The following DPP10 variants were observed in gnomAD, a reference collection of about 807,000 sequenced individuals.
DPP10 encodes the protein dipeptidyl peptidase like 10.
A neutral mutation model predicts 120.9 loss-of-function variants in DPP10; 33 were observed. That is an observed-to-expected ratio of 0.27 (90% CI 0.21 to 0.37). The LOEUF (loss-of-function observed/expected upper bound fraction) is 0.37. Among genes scored for constraint, DPP10 ranks in the 10% least tolerant of loss-of-function variants. DPP10 has a pLI of 1.00. For missense variants in DPP10, 816 were observed against 942.8 expected (o/e 0.87, Z 1.76); for synonymous variants, 337 against 326.1 (o/e 1.03, Z -0.36).
intron 1 of DPP10, among the ~76,000 whole-genome samples, chr2:115,282,986 A>G (rs1350460057): frequency 6.6e-6 from 1 of 152,024 alleles, no homozygotes; most frequent in Non-Finnish European, 1.5e-5. Flanking sequence ...TTCTATGTAT[A>G]TTTAGAATCT....
At chr2:115,602,579 T>A (rs549568607) in intron 5 of DPP10, among the ~76,000 whole-genome samples, 1 of 152,190 alleles carries the variant, frequency 6.6e-6, no homozygotes, top group Admixed American at 6.5e-5. Context: ...TTCTTCTCTT[T>A]CATGTAAAGT....
At chr2:114,826,679 T>A (rs1240121833) in intron 1 of DPP10, among the ~76,000 whole-genome samples, 2 of 152,050 alleles carry the variant, frequency 1.3e-5, no homozygotes, top group Non-Finnish European at 2.9e-5. Context: ...TACAGGAGCA[T>A]AACCCCATGC....
At chr2:115,476,649 G>T (rs2075103911) in intron 3 of DPP10, among the ~76,000 whole-genome samples, 1 of 152,074 alleles carries the variant, frequency 6.6e-6, no homozygotes, top group African/African-American at 2.4e-5. Context: ...TGAGAAACCT[G>T]CCACCATAAT....
chr2:114,623,696 A>G (rs1694274516), intron 1 of DPP10, among the ~76,000 whole-genome samples: 1 of 152,142 alleles, frequency 6.6e-6, no homozygotes, highest in African/African-American at 2.4e-5. Flanking sequence ...CATTCTCCTA[A>G]GAAAAGTCAA....
chr2:115,150,845 A>G (rs1336815306), intron 1 of DPP10, among the ~76,000 whole-genome samples: 1 of 152,258 alleles, frequency 6.6e-6, no homozygotes, highest in Non-Finnish European at 1.5e-5. Flanking sequence ...TTTCATATAT[A>G]TTAGATATCA....
At chr2:115,183,164 A>G (rs2054193842) in intron 1 of DPP10, among the ~76,000 whole-genome samples, 2 of 152,360 alleles carry the variant, frequency 1.3e-5, no homozygotes, top group South Asian at 4.1e-4. Context: ...GCAGAAAATA[A>G]CATAGAGGAA....
intron 5 of DPP10, among the ~76,000 whole-genome samples, chr2:115,598,579 G>A (rs1365714473): frequency 6.6e-6 from 1 of 151,682 alleles, no homozygotes; most frequent in Non-Finnish European, 1.5e-5. Flanking sequence ...CATATAACAG[G>A]TCACTATCCT....
chr2:114,730,095 T>G (rs941878954), intron 1 of DPP10, among the ~76,000 whole-genome samples: 1 of 151,882 alleles, frequency 6.6e-6, no homozygotes, highest in Non-Finnish European at 1.5e-5. Flanking sequence ...TCTGAATAAA[T>G]GCATAATAAA....
chr2:115,615,543 G>A (rs916076170), intron 5 of DPP10, among the ~76,000 whole-genome samples: 2 of 152,092 alleles, frequency 1.3e-5, no homozygotes, highest in Admixed American at 6.6e-5. Context: ...CTATTAAAAT[G>A]TAGACACAAG....
At chr2:115,540,612 A>T (rs1312394704) in intron 5 of DPP10, among the ~76,000 whole-genome samples, 2 of 151,918 alleles carry the variant, frequency 1.3e-5, no homozygotes, top group Non-Finnish European at 2.9e-5. Context: ...AATCTAAGTT[A>T]TTCGTGCATA....
chr2:114,560,206 G>T (rs918988863), intron 1 of DPP10, among the ~76,000 whole-genome samples: 3 of 152,214 alleles, frequency 2.0e-5, no homozygotes, highest in Admixed American at 1.3e-4. Flanking sequence ...ACCATGGACT[G>T]CCCTGTGGGA....
chr2:115,773,331 A>AATCGC (rs1435500435), intron 13 of DPP10, among the ~76,000 whole-genome samples: 1 of 152,108 alleles, frequency 6.6e-6, no homozygotes, highest in Non-Finnish European at 1.5e-5. Flanking sequence ...CCAATTTGTA[A>AATCGC]ATCGCATTAT....
At chr2:115,736,551 T>A (rs1428771901) in intron 8 of DPP10, among the ~76,000 whole-genome samples, 2 of 152,130 alleles carry the variant, frequency 1.3e-5, no homozygotes, top group African/African-American at 2.4e-5. Flanking sequence ...ACAGATCCAT[T>A]GGCAGCAAAA....
intron 1 of DPP10, among the ~76,000 whole-genome samples, chr2:115,308,023 T>C (rs1243982257): frequency 6.6e-6 from 1 of 152,096 alleles, no homozygotes; most frequent in African/African-American, 2.4e-5. Context: ...GCGATTTATC[T>C]GAGAAGGGAA....
chr2:115,068,202 AT>A (rs879532056), intron 1 of DPP10, among the ~76,000 whole-genome samples: 2 of 151,552 alleles, frequency 1.3e-5, no homozygotes, highest in African/African-American at 4.8e-5. Flanking sequence ...ACGGGTTTCC[AT>A]TTTTTCACAC....
At chr2:115,229,689 C>CCTATTCTATTCTATTCTATTCTATT (rs58625775) in intron 1 of DPP10, among the ~76,000 whole-genome samples, 15 of 139,724 alleles carry the variant, frequency 1.1e-4, no homozygotes, top group Admixed American at 3.6e-4. Context: ...TCTGAGTTCT[C>CCTATTCTATTCTATTCTATTCTATT]CTATTCTATT....
intron 5 of DPP10, among the ~76,000 whole-genome samples, chr2:115,588,024 C>T (rs1341658201): frequency 6.6e-6 from 1 of 152,178 alleles, no homozygotes; most frequent in East Asian, 1.9e-4. Context: ...GGCATGTAAA[C>T]TATTATACTT....
At chr2:115,326,945 C>T (rs935934811) in intron 2 of DPP10, among the ~76,000 whole-genome samples, 1 of 151,998 alleles carries the variant, frequency 6.6e-6, no homozygotes, top group African/African-American at 2.4e-5. Flanking sequence ...CTTATAAAGT[C>T]TACAGTAGTG....
chr2:115,623,781 T>C (rs1269832816), intron 5 of DPP10, among the ~76,000 whole-genome samples: 3 of 152,172 alleles, frequency 2.0e-5, no homozygotes. Flanking sequence ...GAAATATGCA[T>C]TGCATATCTC....
Sources: allele counts gnomAD v4.1 joint callset (sites outside exome capture counted in the v4.1 genomes callset), GRCh38; gene constraint gnomAD v4.1.1; transcripts MANE v1.5; gene names NCBI Gene and HGNC (gene_info 2026-07-23, HGNC 2026-07-21).